The following CAPS2 variants were observed in gnomAD, a reference collection of about 807,000 sequenced individuals.
CAPS2 encodes the protein calcyphosine 2.
A neutral mutation model predicts 86.5 loss-of-function variants in CAPS2; 98 were observed. The observed-to-expected ratio is 1.13, with a 90% CI of 0.96 to 1.34. The LOEUF is 1.34. Among genes scored for constraint, CAPS2 ranks in the 40% most tolerant of loss-of-function variants. CAPS2 has a pLI of 0.00. For missense variants in CAPS2, 729 were observed against 686.8 expected, an observed-to-expected ratio of 1.06 and a Z score of -0.69; for synonymous variants, 210 against 225.1, an observed-to-expected ratio of 0.93 and a Z score of 0.60.
chr12:75,301,940 T>C (rs942464176), intron 8 of CAPS2, among the ~76,000 whole-genome samples: 5 of 152,198 alleles, frequency 3.3e-5, no homozygotes, highest in African/African-American at 4.8e-5. Context: ...GAATTTAGTA[T>C]TGATAAAGCT....
intron 14 of CAPS2, among the ~76,000 whole-genome samples, chr12:75,287,490 A>G (rs1238191156): frequency 6.6e-6 from 1 of 152,064 alleles, no homozygotes; most frequent in Non-Finnish European, 1.5e-5. Context: ...GTCTATCAGT[A>G]TTAGGTCATA....
Position 75,362,465 on chromosome 12 carries a change from G to A in CAPS2, c.-395+28373C>T, listed in dbSNP as rs534707640. ...CATTCATAGCAACCCTATTGGTAGT[G>A]ACCAAAAACTTGACCAACCCAAATG... is the stretch of plus-strand genomic sequence containing the variant. On this transcript the variant is annotated intron_variant, in intron 1 of 5. Coordinates refer to the CAPS2 transcript ENST00000551829. 7.9e-5 allele frequency among the ~76,000 whole-genome samples: 12 copies of A among 152,178 alleles called. No homozygotes were observed. In the East Asian group the frequency reaches 2.1e-3, roughly 27 times the overall value.
In CAPS2 at chr12:75,354,592, AACTCAT is replaced by A. The variant is rs2043029930; in HGVS notation, c.-394-31376_-394-31371del. Among the ~76,000 whole-genome samples the A allele has an allele frequency of 3.3e-5, 5 of 152,130 alleles. No homozygotes were observed. The South Asian group carries it at 1.0e-3, about 31-fold the overall frequency. ...TACAGATTCAATGCTATTCCCATTAAACTCATTGACATTCTTCACAGAATTAGAAAA... is the reference window on the plus strand; with the variant it reads ...TACAGATTCAATGCTATTCCCATTAATGACATTCTTCACAGAATTAGAAAA... On this transcript the variant is annotated intron_variant, in intron 1 of 5. Coordinates refer to the CAPS2 transcript ENST00000551829.
At chr12:75,379,637 G>C (rs996024861) in intron 1 of CAPS2, among the ~76,000 whole-genome samples, 1 of 152,026 alleles carries the variant, frequency 6.6e-6, no homozygotes, top group African/African-American at 2.4e-5. Context: ...GCATTTTTCA[G>C]GAGATTCTCT....
chr12:75,374,952 C>A (rs1221987766), intron 1 of CAPS2, among the ~76,000 whole-genome samples: 1 of 152,158 alleles, frequency 6.6e-6, no homozygotes, highest in Non-Finnish European at 1.5e-5. Flanking sequence ...TCTGCACAGG[C>A]CAAATGAGAG....
At chr12:75,343,936 C>A in intron 1 of CAPS2, 1 of 1,601,838 alleles carries the variant, frequency 6.2e-7, no homozygotes, top group Non-Finnish European at 8.5e-7. Context: ...CCATTATACA[C>A]AGGTAAATAT....
At chr12:75,313,009 T>C in intron 6 of CAPS2, 94 bp from the exon 7 acceptor site, 1 of 665,546 alleles carries the variant, frequency 1.5e-6, no homozygotes, top group South Asian at 2.0e-5. Flanking sequence ...TAAATATCTC[T>C]GATTTCCGTC....
intron 1 of CAPS2, among the ~76,000 whole-genome samples, chr12:75,359,569 GGTTTTCAAAA>G (rs1204751955): frequency 6.6e-6 from 1 of 151,256 alleles, no homozygotes; most frequent in Non-Finnish European, 1.5e-5. Context: ...CTAATAATAT[GGTTTTCAAAA>G]GTTATTAAAA....
At position 75,350,364 on chromosome 12, in the gene CAPS2, G is replaced by C. The variant is rs371520913; in HGVS notation, c.-394-27142C>G. On this transcript the variant is annotated intron_variant, in intron 1 of 5. Coordinates refer to the CAPS2 transcript ENST00000551829. ...ACAAGGGAAATTCCTGCTTATTTAA[G>C]TGGGTCCTTTATCCTATTTCCCCTG... 2.9e-4 allele frequency among the ~76,000 whole-genome samples: 44 copies of C among 152,332 alleles called. No homozygotes were observed. In the South Asian group the frequency reaches 9.1e-3, roughly 32 times the overall value.
At chr12:75,343,999 T>C in intron 1 of CAPS2, 1 of 1,392,872 alleles carries the variant, frequency 7.2e-7, no homozygotes, top group Non-Finnish European at 9.8e-7. Context: ...TTGCCAGAAT[T>C]TATTTCTCTG....
intron 14 of CAPS2, among the ~76,000 whole-genome samples, chr12:75,285,677 A>G (rs2034749913): frequency 6.6e-6 from 1 of 151,896 alleles, no homozygotes; most frequent in African/African-American, 2.4e-5. Context: ...CTATATCTAT[A>G]CATCTATCTA....
intron 1 of CAPS2, chr12:75,390,710 C>G (rs2045545853): frequency 2.2e-6 from 1 of 454,816 alleles, no homozygotes; most frequent in East Asian, 6.9e-5. Context: ...TTCCTCAGAC[C>G]TGTTACTCAG....
chr12:75,355,003 A>C (rs1209846358), intron 1 of CAPS2, among the ~76,000 whole-genome samples: 1 of 152,118 alleles, frequency 6.6e-6, no homozygotes, highest in Non-Finnish European at 1.5e-5. Context: ...AGGCTTAAAT[A>C]TAAAACCCAA....
intron 15 of CAPS2, among the ~76,000 whole-genome samples, chr12:75,282,939 CTCCCCTGAAAACTGAAGAGATGGGTAA>C (rs1322418399): frequency 6.6e-6 from 1 of 152,126 alleles, no homozygotes. Flanking sequence ...CATGGCCTCT[CTCCCCTGAAAACTGAAGAGATGGGTAA>C]AAGACCTCTC....
chr12:75,385,088 C>T (rs2045219138), intron 1 of CAPS2, among the ~76,000 whole-genome samples: 1 of 152,178 alleles, frequency 6.6e-6, no homozygotes, highest in Non-Finnish European at 1.5e-5. Flanking sequence ...ACCTTCTTGC[C>T]ATATGATGCC....
chr12:75,306,656 C>A (rs184421994), intron 7 of CAPS2, among the ~76,000 whole-genome samples: 4 of 152,204 alleles, frequency 2.6e-5, no homozygotes, highest in Admixed American at 2.6e-4. Context: ...GAGAAAGTTT[C>A]CATCTTATTC....
chr12:75,330,379 C>G (rs1157220276), upstream of CAPS2, among the ~76,000 whole-genome samples: 1 of 152,234 alleles, frequency 6.6e-6, no homozygotes, highest in Admixed American at 6.5e-5. Context: ...CTCACCCGCG[C>G]TTCTCCTGAG....
chr12:75,369,586 G>A, intron 1 of CAPS2: 3 of 984,708 alleles, frequency 3.0e-6, no homozygotes, highest in Non-Finnish European at 3.6e-6. Context: ...TTACAGAAAT[G>A]AATGAGATTG....
At chr12:75,286,905 T>C (rs767293686) in intron 14 of CAPS2, among the ~76,000 whole-genome samples, 29 of 151,824 alleles carry the variant, frequency 1.9e-4, no homozygotes, top group Non-Finnish European at 3.1e-4. Flanking sequence ...ATAATTACTG[T>C]AGTTTTTGTT....
Sources: allele counts gnomAD v4.1 joint callset (sites outside exome capture counted in the v4.1 genomes callset), GRCh38; gene constraint gnomAD v4.1.1; transcripts MANE v1.5; gene names NCBI Gene and HGNC (gene_info 2026-07-23, HGNC 2026-07-21).